Variants in GGCX observed in about 807,000 individuals in gnomAD.
The protein encoded by GGCX is gamma-glutamyl carboxylase, also known as vitamin K-dependent gamma-carboxylase.
GGCX carries 63 observed loss-of-function variants against 88.5 expected under a neutral mutation model. The ratio of observed to expected loss-of-function variants is 0.71; its 90% CI spans 0.58 to 0.88. GGCX has a LOEUF of 0.88. GGCX is among the 40% of genes least tolerant of loss of function. GGCX has a pLI of 0.00. For missense variants in GGCX, 805 were observed against 932.9 expected (o/e 0.86, Z 1.79); for synonymous variants, 368 against 365.8 (o/e 1.01, Z -0.07).
In GGCX at chr2:85,544,879, A is replaced by G. The variant is rs922563709; in HGVS notation, c.*5055T>C. ...CGTTTTCTAATTGCTTATTTATTGT[A>G]TTCTGGGGTATGGCGTAAGTACAGA... is the stretch of plus-strand genomic sequence containing the variant. On this transcript the variant is annotated 3_prime_UTR_variant, in exon 15 of 15. Transcript: ENST00000233838. The G allele has an allele frequency of 4.6e-5, 7 of 152,588 alleles. No homozygotes were observed. Among genetic ancestry groups the G allele is most frequent in the African/African-American group, 1.7e-4 (7 of 41,438 alleles). 9.5% of individuals were successfully genotyped at this position (152,588 alleles called of 1,614,324 possible).
At chr2:85,551,140 C>T in intron 12 of GGCX, 68 bp from the exon 13 acceptor site, 1 of 1,412,900 alleles carries the variant, frequency 7.1e-7, no homozygotes, top group Non-Finnish European at 1.0e-6. Flanking sequence ...CCTCCCTACT[C>T]TATGACTCTT....
rs1691844475 is a variant in GGCX at position 85,549,826 on chromosome 2, C to CCA, written c.*107_*108insTG. The CCA allele has an allele frequency of 5.9e-4, 279 of 474,306 alleles. No homozygotes were observed. The highest frequency in any genetic ancestry group is 7.1e-4 in the Non-Finnish European group (186 of 261,374). The allele number at this position is 474,306 out of a possible 1,614,324, so 29.4% of individuals were successfully genotyped here. ...AAACAGCTTTAGAACCCCGCCCCCC[C>CCA]AAAAAAAAAAAAAAAACTTTTGAGA... On this transcript the variant is annotated 3_prime_UTR_variant, in exon 15 of 15. Coordinates refer to ENST00000233838, the MANE Select transcript of GGCX (RefSeq NM_000821.7).
At chr2:85,551,433 G>A (rs1205569971) in intron 12 of GGCX, 47 bp downstream of exon 12, 1 of 1,597,872 alleles carries the variant, frequency 6.3e-7, no homozygotes, top group Admixed American at 1.7e-5. Context: ...ACTGGTGTGA[G>A]CTACTGCACT....
chr2:85,557,039 G>A (rs1692230817), intron 4 of GGCX, among the ~76,000 whole-genome samples: 1 of 152,170 alleles, frequency 6.6e-6, no homozygotes, highest in African/African-American at 2.4e-5. Context: ...GCTAAAGCGA[G>A]AGAATCTCTG....
At chr2:85,550,817 T>C (rs1691912900) in intron 13 of GGCX, 67 bp from the exon 14 acceptor site, 3 of 1,585,348 alleles carry the variant, frequency 1.9e-6, no homozygotes, top group South Asian at 2.2e-5. Context: ...GAACTCCTCT[T>C]CTGCCAGCTA....
rs1314220380 is a variant in GGCX at position 85,553,471 on chromosome 2, T to C, written c.916A>G (p.Ser306Gly). Residue 306 changes from serine to glycine, a missense_variant, in exon 8 of 15, where the codon AGC (serine) becomes GGC (glycine). Physicochemically the swap from Ser to Gly is moderately conservative, Grantham distance 56. This residue lies in a region of GGCX where 680 missense variants were observed against 763.7 expected (regional missense o/e 0.89). Transcript: ENST00000233838. ...IGMFSYVMLASSPLFCSPEWP... is the reference protein window; with the variant it reads ...IGMFSYVMLAGSPLFCSPEWP... ...TCAGGGGAGCAGAAGAGAGGGCTGCTGGCCAGCATGACGTAGGAGAACATA... is the reference window on the plus strand; with the variant it reads ...TCAGGGGAGCAGAAGAGAGGGCTGCCGGCCAGCATGACGTAGGAGAACATA... 7 of 1,613,894 alleles carry C rather than the reference T, an allele frequency of 4.3e-6. No homozygotes were observed. The East Asian group carries it at 1.3e-4, about 31-fold the overall frequency.
At chr2:85,557,081 T>C (rs1285832709) in intron 4 of GGCX, among the ~76,000 whole-genome samples, 1 of 152,190 alleles carries the variant, frequency 6.6e-6, no homozygotes, top group Non-Finnish European at 1.5e-5. Context: ...CAGTGAGCTA[T>C]GACTGCACCA....
At position 85,558,571 on chromosome 2, in the gene GGCX, C is replaced by T; in HGVS notation, c.408G>A (p.Arg136=). 1.9e-6 allele frequency: 3 copies of T among 1,613,730 alleles called. No homozygotes were observed. The highest frequency in any genetic ancestry group is 2.5e-6 in the Non-Finnish European group (3 of 1,179,662). The change falls in exon 4 of 15, where the codon CGG becomes CGA. Residue 136 remains arginine (R), a synonymous_variant. Coordinates refer to ENST00000233838, the MANE Select transcript of GGCX (RefSeq NM_000821.7). ...GCAGCAGGAATAACACACAGCTTAT[C>T]CGGTAGCACAGGCCCAGCATCATGC... ...ALGMMLGLCY[R]ISCVLFLLPY...
Position 85,555,471 on chromosome 2 carries a change from G to C in GGCX, c.725+13C>G. On this transcript the variant is annotated intron_variant, in intron 6 of 14. Coordinates refer to ENST00000233838, the MANE Select transcript of GGCX (RefSeq NM_000821.7). ...CATGCCTCAAAGAGGCCTCCACCAT[G>C]ACTGCCACTCACTTGAAGGGACTGA... The C allele has an allele frequency of 1.5e-6, 2 of 1,317,302 alleles. No homozygotes were observed. The highest frequency in any genetic ancestry group is 2.2e-6 in the Non-Finnish European group (2 of 908,780). The allele number at this position is 1,317,302 out of a possible 1,614,324, so 81.6% of individuals were successfully genotyped here.
intron 2 of GGCX, among the ~76,000 whole-genome samples, chr2:85,559,753 A>C (rs1284432373): frequency 6.6e-6 from 1 of 152,060 alleles, no homozygotes; most frequent in African/African-American, 2.4e-5. Flanking sequence ...GTGCTCTGGG[A>C]GTGCTTCTCA....
Position 85,554,175 on chromosome 2 carries a change from AAGT to A in GGCX, c.854_856del (p.Tyr285del), listed in dbSNP as rs2103969382. 1.9e-6 allele frequency: 3 copies of A among 1,613,260 alleles called. No homozygotes were observed. Among genetic ancestry groups the A allele is most frequent in the Non-Finnish European group, 2.5e-6 (3 of 1,179,190 alleles). On this transcript the variant is annotated inframe_deletion, in exon 7 of 15. Coordinates refer to ENST00000233838, the MANE Select transcript of GGCX (RefSeq NM_000821.7). ...GAAAAGCTGGGAATTCATGCAGTGG[AAGT>A]AGGACACAAAGAACAGGCCAATGGA... is the stretch of plus-strand genomic sequence containing the variant.
intron 12 of GGCX, 64 bp from the exon 13 acceptor site, chr2:85,551,136 T>A: frequency 2.1e-6 from 3 of 1,445,596 alleles, no homozygotes; most frequent in Non-Finnish European, 2.9e-6. Context: ...ATGGCCTCCC[T>A]ACTCTATGAC....
chr2:85,553,156 C>T, intron 8 of GGCX, 76 bp downstream of exon 8: 1 of 1,611,598 alleles, frequency 6.2e-7, no homozygotes, highest in South Asian at 1.1e-5. Context: ...AAAACCAGCC[C>T]CATTCTTTCC....
intron 7 of GGCX, 196 bp from the exon 8 acceptor site, chr2:85,553,693 G>A (rs1017005274): frequency 3.4e-6 from 2 of 584,086 alleles, no homozygotes; most frequent in Admixed American, 5.8e-5. Context: ...TCTGCCTCCT[G>A]GGTTCAAGCG....
rs549113214 is a variant in GGCX, at chr2:85,549,411, G to C, written c.*523C>G. 22 of 167,224 alleles carry C rather than the reference G, an allele frequency of 1.3e-4. No homozygotes were observed. Among genetic ancestry groups the C allele is most frequent in the Non-Finnish European group, 3.9e-5 (3 of 76,484 alleles). 10.4% of individuals were successfully genotyped at this position (167,224 alleles called of 1,614,324 possible). ...GACGAAGTCTTGCTCTGTTGCCCAGGAGTGCAGTGGCTCGATCTCGGCTCA... is the reference window on the plus strand; with the variant it reads ...GACGAAGTCTTGCTCTGTTGCCCAGCAGTGCAGTGGCTCGATCTCGGCTCA... On this transcript the variant is annotated 3_prime_UTR_variant, in exon 15 of 15. Coordinates refer to ENST00000233838, the MANE Select transcript of GGCX (RefSeq NM_000821.7).
chr2:85,554,454 T>TTTGTTGTTGTTGTTGTTGTTG (rs60769490), intron 6 of GGCX, 148 bp from the exon 7 acceptor site: 201 of 645,708 alleles, frequency 3.1e-4, no homozygotes, highest in African/African-American at 2.5e-3. Flanking sequence ...CTCTAGGTTG[T>TTTGTTGTTGTTGTTGTTGTTG]TTGTTGTTGT....
chr2:85,556,750 A>G (rs1469052339), intron 4 of GGCX, among the ~76,000 whole-genome samples: 1 of 152,202 alleles, frequency 6.6e-6, no homozygotes, highest in Non-Finnish European at 1.5e-5. Context: ...ATTCTGGAAG[A>G]GAACTGATTA....
Position 85,553,400 on chromosome 2 carries a change from T to C in GGCX, c.987A>G (p.Gln329=), listed in dbSNP as rs753745108. ...GAGGGGCTGCCTTGAGGGGCAACAG[T>C]TGTTGCAACCTTCGGGGGCAGTAGG... ...LVSYCPRRLQ[Q]LLPLKAAPQP... is the part of the protein sequence containing the mutation. Residue 329 remains glutamine (Q), a synonymous_variant, in exon 8 of 15, where the codon CAA becomes CAG. Coordinates refer to ENST00000233838, the MANE Select transcript of GGCX (RefSeq NM_000821.7). 1 of 1,614,128 alleles carries C rather than the reference T, an allele frequency of 6.2e-7. No homozygotes were observed. Among genetic ancestry groups the C allele is most frequent in the Non-Finnish European group, 8.5e-7 (1 of 1,179,986 alleles).
Position 85,554,392 on chromosome 2 carries a change from T to C in GGCX, c.726-86A>G, listed in dbSNP as rs182349988. On this transcript the variant is annotated intron_variant, in intron 6 of 14. Coordinates refer to ENST00000233838, the MANE Select transcript of GGCX (RefSeq NM_000821.7). ...CACAGCACGAATGTGCCTTGGCTAC[T>C]CCAGTGGCTGGGTAGATGCCTAAGG... The C allele has an allele frequency of 5.7e-6, 7 of 1,219,380 alleles. No homozygotes were observed. In the African/African-American group the frequency reaches 1.0e-4, roughly 18 times the overall value. The allele number at this position is 1,219,380 out of a possible 1,614,324, so 75.5% of individuals were successfully genotyped here. A position where few individuals can be genotyped will look rare whatever the true frequency, so the allele number is the denominator to read the frequency against.
Sources: allele counts gnomAD v4.1 joint callset (sites outside exome capture counted in the v4.1 genomes callset), GRCh38; gene constraint gnomAD v4.1.1; regional missense constraint gnomAD v4.1.1; transcripts MANE v1.5; gene names NCBI Gene and HGNC (gene_info 2026-07-23, HGNC 2026-07-21).